RASA2: variants seen among roughly 807,000 people sequenced by gnomAD.
RASA2 encodes the protein RAS p21 protein activator 2, also known as ras GTPase-activating protein 2.
Under a neutral mutation model 118.2 loss-of-function variants are expected in RASA2, and 155 were observed. The ratio of observed to expected loss-of-function variants is 1.31; its 90% confidence interval spans 1.15 to 1.50. The LOEUF (loss-of-function observed/expected upper bound fraction) is 1.50, where lower values mean the gene tolerates loss of function less well. Among genes scored for constraint, RASA2 ranks in the 40% most tolerant of loss-of-function variants. RASA2 has a pLI of 0.00. For missense variants in RASA2, 1,016 were observed against 1,009.6 expected (o/e 1.01, Z -0.09); for synonymous variants, 353 against 349.1 (o/e 1.01, Z -0.12).
rs941666220 is a variant in RASA2, at chr3:141,508,347, A to T, written c.134-3816A>T. ...GGTGGGACTGAAAAGCAGTGTTACG[A>T]TTTGGGCACTTAATATTAGTGGTTT... is the stretch of plus-strand genomic sequence containing the variant. On this transcript the variant is annotated intron_variant, in intron 1 of 23. Coordinates refer to ENST00000286364, the MANE Select transcript of RASA2 (RefSeq NM_006506.5). 3.3e-5 allele frequency among the ~76,000 whole-genome samples: 5 copies of T among 151,888 alleles called. No homozygotes were observed. In the East Asian group the frequency reaches 7.7e-4, roughly 23 times the overall value.
At chr3:141,585,873 A>G (rs566884104) in intron 17 of RASA2, 152 bp from the exon 18 acceptor site, 1 of 464,276 alleles carries the variant, frequency 2.2e-6, no homozygotes, top group Admixed American at 3.9e-5. Flanking sequence ...TTCCTCTCTA[A>G]TTAAATATGT....
chr3:141,494,839 A>T lies in RASA2; in HGVS notation c.133+7623A>T, dbSNP rs879855618. 3.3e-5 allele frequency among the ~76,000 whole-genome samples: 5 copies of T among 152,048 alleles called. No homozygotes were observed. In the East Asian group the frequency reaches 9.6e-4, roughly 29 times the overall value. On this transcript the variant is annotated intron_variant, in intron 1 of 23. Coordinates refer to ENST00000286364, the MANE Select transcript of RASA2 (RefSeq NM_006506.5). ...TTTGTGAGAAAATGCTTTATGCTGT[A>T]AGGAAGTTAGCTATTATTTTAAAAC...
intron 5 of RASA2, among the ~76,000 whole-genome samples, chr3:141,545,939 A>G (rs1332788466): frequency 6.6e-6 from 1 of 152,190 alleles, no homozygotes; most frequent in Non-Finnish European, 1.5e-5. Flanking sequence ...AGCTCCCACA[A>G]GTGAGACCAT....
chr3:141,520,601 C>G (rs1294719688), intron 3 of RASA2, among the ~76,000 whole-genome samples: 1 of 151,710 alleles, frequency 6.6e-6, no homozygotes, highest in Non-Finnish European at 1.5e-5. Flanking sequence ...ACAGAAGAAT[C>G]TGCATATTGT....
intron 5 of RASA2, among the ~76,000 whole-genome samples, chr3:141,545,674 T>C (rs1423546957): frequency 6.6e-6 from 1 of 151,662 alleles, no homozygotes; most frequent in Non-Finnish European, 1.5e-5. Flanking sequence ...TCTCGAACTC[T>C]TGACCTCGTG....
intron 19 of RASA2, among the ~76,000 whole-genome samples, chr3:141,590,387 T>C (rs979116239): frequency 3.9e-5 from 6 of 152,348 alleles, no homozygotes; most frequent in African/African-American, 1.4e-4. Flanking sequence ...TTGTGATGTC[T>C]GTGAACCATA....
At chr3:141,499,158 T>A (rs1179737426) in intron 1 of RASA2, among the ~76,000 whole-genome samples, 2 of 152,086 alleles carry the variant, frequency 1.3e-5, no homozygotes, top group Admixed American at 6.5e-5. Flanking sequence ...TGTAGATAAC[T>A]GTATGATAGT....
intron 2 of RASA2, among the ~76,000 whole-genome samples, chr3:141,515,759 G>T (rs1315284887): frequency 6.6e-6 from 1 of 151,726 alleles, no homozygotes; most frequent in African/African-American, 2.4e-5. Context: ...AATTAGCTGG[G>T]CGTGGTGGCA....
intron 9 of RASA2, among the ~76,000 whole-genome samples, chr3:141,570,052 TTTTG>T (rs928791573): frequency 6.6e-6 from 1 of 152,020 alleles, no homozygotes; most frequent in South Asian, 2.1e-4. Context: ...CAATATTCTC[TTTTG>T]TTTGTGTTTT....
At chr3:141,600,189 G>T in intron 19 of RASA2, 1 of 372,380 alleles carries the variant, frequency 2.7e-6, no homozygotes, top group South Asian at 2.3e-5. Context: ...CTTTGCTATA[G>T]GAAATCCAAG....
intron 9 of RASA2, among the ~76,000 whole-genome samples, chr3:141,562,235 T>A (rs2082740576): frequency 1.3e-5 from 2 of 151,256 alleles, no homozygotes; most frequent in Admixed American, 1.3e-4. Flanking sequence ...TGTGAGCCAT[T>A]GCGCCCAGCC....
Position 141,610,800 on chromosome 3 carries a change from T to G in RASA2, c.2519+734T>G, listed in dbSNP as rs556094396. The stretch of plus-strand genomic sequence containing the variant: ...CCAACACCACCAGGCTGTAACCAGT[T>G]TTAATGTTACATTCAGTTGTAATTC... On this transcript the variant is annotated intron_variant, in intron 23 of 23. Coordinates refer to ENST00000286364, the MANE Select transcript of RASA2 (RefSeq NM_006506.5). Among the ~76,000 whole-genome samples the G allele has an allele frequency of 2.4e-4, 36 of 152,142 alleles. No individual in the cohort carries two copies. In the South Asian group the frequency reaches 7.0e-3, roughly 30 times the overall value.
At chr3:141,607,617 C>G in intron 19 of RASA2, 61 bp from the exon 20 acceptor site, 2 of 1,477,388 alleles carry the variant, frequency 1.4e-6, no homozygotes, top group Non-Finnish European at 1.8e-6. Flanking sequence ...GAATTAACCT[C>G]TCATCTTTAT....
intron 5 of RASA2, among the ~76,000 whole-genome samples, chr3:141,542,405 G>A (rs1434709216): frequency 6.6e-6 from 1 of 152,080 alleles, no homozygotes; most frequent in Admixed American, 6.6e-5. Context: ...GGTAGATACT[G>A]TTATCCTCAT....
chr3:141,571,366 C>T (rs924107686), intron 10 of RASA2, 40 bp from the exon 11 acceptor site: 3 of 1,591,016 alleles, frequency 1.9e-6, no homozygotes, highest in Non-Finnish European at 2.6e-6. Flanking sequence ...AATCATGTTT[C>T]CTTGATGTTT....
chr3:141,528,756 T>C (rs936427226), intron 3 of RASA2, among the ~76,000 whole-genome samples: 7 of 151,898 alleles, frequency 4.6e-5, no homozygotes, highest in Non-Finnish European at 1.0e-4. Context: ...CAGAAAAATT[T>C]CTTTACAATT....
intron 5 of RASA2, among the ~76,000 whole-genome samples, chr3:141,541,892 A>G (rs2082410544): frequency 6.6e-6 from 1 of 151,870 alleles, no homozygotes; most frequent in Admixed American, 6.6e-5. Context: ...TTTTCTCCAC[A>G]GACTGACTCT....
intron 19 of RASA2, among the ~76,000 whole-genome samples, chr3:141,589,767 G>A (rs2083260076): frequency 6.6e-6 from 1 of 151,968 alleles, no homozygotes; most frequent in African/African-American, 2.4e-5. Context: ...CTTGAACCTG[G>A]GAGGCGGAGG....
At chr3:141,600,352 A>G (rs1209539001) in intron 19 of RASA2, 5 of 519,600 alleles carry the variant, frequency 9.6e-6, no homozygotes, top group Middle Eastern at 4.8e-4. Context: ...AAGCAATTGC[A>G]TGATGAGGGT....
Sources: allele counts gnomAD v4.1 joint callset (sites outside exome capture counted in the v4.1 genomes callset), GRCh38; gene constraint gnomAD v4.1.1; transcripts MANE v1.5; gene names NCBI Gene and HGNC (gene_info 2026-07-23, HGNC 2026-07-21).